Variants in TOP2B observed in about 807,000 individuals in gnomAD.
The protein encoded by TOP2B is DNA topoisomerase 2-beta.
TOP2B carries 51 observed loss-of-function variants against 193.5 expected under a neutral mutation model. That is an observed-to-expected ratio of 0.26 (90% CI 0.21 to 0.33). The LOEUF (loss-of-function observed/expected upper bound fraction) is 0.33. Ranked by LOEUF, TOP2B falls within the 10% of genes least tolerant of loss-of-function variation. The probability of loss-of-function intolerance (pLI) is 1.00; values close to 1 mark genes in which losing one functional copy is unlikely to be tolerated. For missense variants in TOP2B, 1,378 were observed against 1,909.3 expected (o/e 0.72, Z 5.19); for synonymous variants, 634 against 635.7 (o/e 1.00, Z 0.04).
At chr3:25,601,046 T>G in intron 34 of TOP2B, 54 bp downstream of exon 34, 1 of 1,565,762 alleles carries the variant, frequency 6.4e-7, no homozygotes, top group South Asian at 1.2e-5. Context: ...TAGAAAAAAT[T>G]CAATCTTTTC....
intron 4 of TOP2B, among the ~76,000 whole-genome samples, chr3:25,639,109 T>C (rs1039835004): frequency 4.6e-5 from 7 of 152,164 alleles, no homozygotes; most frequent in Admixed American, 1.3e-4. Flanking sequence ...AGGCTGTCTA[T>C]AATATGTTGA....
chr3:25,660,171 G>A (rs1007908529), intron 1 of TOP2B, among the ~76,000 whole-genome samples: 4 of 152,120 alleles, frequency 2.6e-5, no homozygotes, highest in Admixed American at 6.5e-5. Flanking sequence ...ACTTGAGAAT[G>A]TATCTAAAAA....
chr3:25,627,026 T>A (rs1188559244), intron 16 of TOP2B, 161 bp downstream of exon 16: 14 of 690,340 alleles, frequency 2.0e-5, no homozygotes, highest in Non-Finnish European at 3.4e-5. Context: ...GTCTTTCAAT[T>A]AAAGAAGTTT....
chr3:25,636,931 A>G (rs929055843), intron 6 of TOP2B, among the ~76,000 whole-genome samples: 3 of 152,066 alleles, frequency 2.0e-5, no homozygotes, highest in African/African-American at 7.2e-5. Flanking sequence ...TTGCATGTAC[A>G]TGAGTCTGCG....
At chr3:25,598,920 T>C (rs1165327480) in intron 35 of TOP2B, among the ~76,000 whole-genome samples, 1 of 152,086 alleles carries the variant, frequency 6.6e-6, no homozygotes, top group Non-Finnish European at 1.5e-5. Flanking sequence ...ACCTGAGACA[T>C]AGAAGATGAC....
chr3:25,616,606 T>C (rs891823393), intron 25 of TOP2B, among the ~76,000 whole-genome samples: 17 of 151,996 alleles, frequency 1.1e-4, no homozygotes, highest in African/African-American at 3.6e-4. Flanking sequence ...GTTGAGTTGA[T>C]AGATGATTAA....
rs572002793 is a variant in TOP2B at position 25,633,296 on chromosome 3, A to G, written c.1027-502T>C. ...CTCAAGAACACACTTTACTTCATTTACAAGTTTTTTATATAGGATCCAGCA... is the reference window on the plus strand; with the variant it reads ...CTCAAGAACACACTTTACTTCATTTGCAAGTTTTTTATATAGGATCCAGCA... On this transcript the variant is annotated intron_variant, in intron 8 of 35. Coordinates refer to ENST00000264331, the MANE Select transcript of TOP2B (RefSeq NM_001330700.2). Among the ~76,000 whole-genome samples, 17 of 152,208 alleles carry G rather than the reference A, an allele frequency of 1.1e-4. No individual in the cohort carries two copies. In the South Asian group the frequency reaches 2.1e-3, roughly 19 times the overall value.
chr3:25,642,182 G>C, intron 4 of TOP2B, 140 bp downstream of exon 4: 1 of 497,358 alleles, frequency 2.0e-6, no homozygotes, highest in Middle Eastern at 5.1e-4. Context: ...ACACAGAAAA[G>C]AGGCAAAAAT....
intron 13 of TOP2B, 123 bp downstream of exon 13, chr3:25,629,906 T>A (rs546595292): frequency 2.8e-6 from 3 of 1,069,684 alleles, no homozygotes; most frequent in Non-Finnish European, 3.9e-6. Flanking sequence ...TTTTTCATTT[T>A]TTCCTCCTGA....
chr3:25,637,122 C>T, intron 6 of TOP2B, 93 bp downstream of exon 6: 2 of 895,810 alleles, frequency 2.2e-6, no homozygotes, highest in Non-Finnish European at 1.7e-6. Context: ...TGAAGTTATA[C>T]AGGCATCACT....
rs373580188 is a variant in TOP2B at position 25,614,474 on chromosome 3, T to A, written c.3591+731A>T. Among the ~76,000 whole-genome samples, 6 of 152,162 alleles carry A rather than the reference T, an allele frequency of 3.9e-5. No homozygotes were observed. The East Asian group carries it at 7.7e-4, about 20-fold the overall frequency. ...TCACATTGCAGCACTTGAAAGATCGTTGAGGGAGCCTAGAAAAATAGCACT... is the reference window on the plus strand; with the variant it reads ...TCACATTGCAGCACTTGAAAGATCGATGAGGGAGCCTAGAAAAATAGCACT... On this transcript the variant is annotated intron_variant, in intron 27 of 35. Transcript: ENST00000264331.
intron 34 of TOP2B, among the ~76,000 whole-genome samples, chr3:25,600,176 T>C (rs944997167): frequency 2.6e-5 from 4 of 152,206 alleles, no homozygotes; most frequent in African/African-American, 9.7e-5. Flanking sequence ...TTCTCATCAT[T>C]GGAGGTGGAA....
At position 25,623,757 on chromosome 3, in the gene TOP2B, CA is replaced by C; in HGVS notation, c.2496-12del. 6.5e-7 allele frequency: 1 copy of C among 1,544,052 alleles called. No homozygotes were observed. The highest frequency in any genetic ancestry group is 8.9e-7 in the Non-Finnish European group (1 of 1,128,918). On this transcript the variant is annotated splice_polypyrimidine_tract_variant and intron_variant, in intron 20 of 35. Coordinates refer to ENST00000264331, the MANE Select transcript of TOP2B (RefSeq NM_001330700.2). ...AGCCTTGCTAAAGTGCTAATGAAAA[CA>C]AAAAGAAGCAAATGAAAAAATGTCA... is the stretch of plus-strand genomic sequence containing the variant.
intron 1 of TOP2B, among the ~76,000 whole-genome samples, chr3:25,658,321 G>A (rs1703813784): frequency 6.6e-6 from 1 of 151,654 alleles, no homozygotes; most frequent in Non-Finnish European, 1.5e-5. Context: ...AACTTGTTAA[G>A]TTTATTTGTA....
In TOP2B at chr3:25,664,849, AGCCGCC is replaced by A. The variant is rs531285869; in HGVS notation, c.-558_-553del. 5.7e-4 allele frequency: 563 copies of A among 989,654 alleles called. 4 individuals carry two copies. In the African/African-American group the frequency reaches 8.3e-3, roughly 15 times the overall value. The allele number at this position is 989,654 out of a possible 1,614,324, so 61.3% of individuals were successfully genotyped here. ...ACACACCGAGAGGGACAATAAACAG[AGCCGCC>A]GCCGCCGCCGCCACGGTCACCTCCC... On this transcript the variant is annotated 5_prime_UTR_variant, in exon 1 of 36. Transcript: ENST00000264331.
At chr3:25,652,354 C>T (rs1703616898) in intron 1 of TOP2B, among the ~76,000 whole-genome samples, 2 of 152,220 alleles carry the variant, frequency 1.3e-5, no homozygotes, top group Admixed American at 6.5e-5. Flanking sequence ...ACACTCCAAT[C>T]AACAACAGGA....
At chr3:25,633,075 G>T (rs1410985051) in intron 8 of TOP2B, among the ~76,000 whole-genome samples, 1 of 152,006 alleles carries the variant, frequency 6.6e-6, no homozygotes, top group Non-Finnish European at 1.5e-5. Flanking sequence ...GACACCAAAT[G>T]GATGTTCAAC....
intron 10 of TOP2B, among the ~76,000 whole-genome samples, 165 bp from the exon 11 acceptor site, chr3:25,631,104 T>C (rs1032894510): frequency 6.6e-6 from 1 of 152,104 alleles, no homozygotes; most frequent in Non-Finnish European, 1.5e-5. Context: ...CAGCTTTTAC[T>C]CAACTACTGT....
At position 25,607,305 on chromosome 3, in the gene TOP2B, GTCATCA is replaced by G; in HGVS notation, c.4158_4163del (p.Asp1387_Asp1388del). On this transcript the variant is annotated inframe_deletion, in exon 31 of 36. Transcript: ENST00000264331. Reference sequence around the variant, plus strand: ...CTTTCAATTCCTCTAAATCATTATTGTCATCATCATCATCATCAGCATCATCATCCT... The same window carrying G: ...CTTTCAATTCCTCTAAATCATTATTGTCATCATCATCAGCATCATCATCCT... The G allele has an allele frequency of 6.4e-7, 1 of 1,555,550 alleles. No individual in the cohort carries two copies. Among genetic ancestry groups the G allele is most frequent in the Non-Finnish European group, 8.7e-7 (1 of 1,148,504 alleles).
Sources: gnomAD v4.1 joint callset for allele counts (sites outside exome capture counted in the v4.1 genomes callset) on GRCh38, gnomAD v4.1.1 for gene constraint, MANE v1.5 for transcripts, NCBI Gene and HGNC (gene_info 2026-07-23, HGNC 2026-07-21) for gene names.